EPB41L2: variants seen among roughly 807,000 people sequenced by gnomAD.
EPB41L2 encodes the protein erythrocyte membrane protein band 4.1 like 2.
Under a neutral mutation model 113.0 loss-of-function variants are expected in EPB41L2, and 43 were observed. The observed-to-expected ratio is 0.38, with a 90% CI of 0.30 to 0.49. The LOEUF is 0.49. Among genes scored for constraint, EPB41L2 ranks in the 20% least tolerant of loss-of-function variants. EPB41L2 has a pLI of 0.95. For missense variants in EPB41L2, 1,147 were observed against 1,223.4 expected (o/e 0.94, Z 0.93); for synonymous variants, 442 against 436.7 (o/e 1.01, Z -0.15).
intron 1 of EPB41L2, among the ~76,000 whole-genome samples, chr6:131,019,295 T>G (rs1297437300): frequency 6.6e-6 from 1 of 152,212 alleles, no homozygotes. Context: ...TTGATCTTCT[T>G]TACATAAATT....
chr6:130,904,916 C>CT (rs772079906), intron 5 of EPB41L2, among the ~76,000 whole-genome samples: 19 of 92,964 alleles, frequency 2.0e-4, no homozygotes, highest in African/African-American at 3.4e-4. Context: ...ATTCTCCACC[C>CT]TTTTTTTTTT....
chr6:130,954,884 C>A (rs991267666), intron 3 of EPB41L2, among the ~76,000 whole-genome samples: 8 of 152,190 alleles, frequency 5.3e-5, no homozygotes, highest in East Asian at 1.9e-4. Context: ...ACACACGAAC[C>A]AGTAAACACG....
Position 130,904,487 on chromosome 6 carries a change from G to T in EPB41L2, c.907C>A (p.Gln303Lys). 6.2e-7 allele frequency: 1 copy of T among 1,604,714 alleles called. No homozygotes were observed. The highest frequency in any genetic ancestry group is 1.1e-5 in the South Asian group (1 of 89,926). ...NVKFYPPDPS[Q>K]LTEDITRYFL... is the part of the protein sequence containing the mutation. ...TACCTGGTGATATCTTCAGTCAATTGAGAAGGATCAGGAGGATAAAACTTC... is the reference window on the plus strand; with the variant it reads ...TACCTGGTGATATCTTCAGTCAATTTAGAAGGATCAGGAGGATAAAACTTC... Residue 303 changes from glutamine to lysine, a missense_variant, in exon 6 of 20, where the codon CAA becomes AAA. By Grantham distance (53) the Gln-to-Lys change is moderately conservative. Coordinates refer to ENST00000337057, the MANE Select transcript of EPB41L2 (RefSeq NM_001431.4).
chr6:130,984,602 G>A (rs1780097073), intron 1 of EPB41L2, among the ~76,000 whole-genome samples: 1 of 152,132 alleles, frequency 6.6e-6, no homozygotes, highest in African/African-American at 2.4e-5. Context: ...ACTGTATTTG[G>A]GGAGATCAGA....
intron 18 of EPB41L2, among the ~76,000 whole-genome samples, chr6:130,861,471 A>T (rs1208853160): frequency 1.3e-5 from 2 of 152,252 alleles, no homozygotes; most frequent in East Asian, 3.8e-4. Context: ...AAGCGATTTC[A>T]TCATTTAATT....
chr6:131,046,172 A>G (rs1232414457), intron 1 of EPB41L2, among the ~76,000 whole-genome samples: 3 of 149,950 alleles, frequency 2.0e-5, no homozygotes, highest in Non-Finnish European at 4.4e-5. Flanking sequence ...CTCCTGCCTC[A>G]GCCTCCCAAA....
intron 3 of EPB41L2, among the ~76,000 whole-genome samples, chr6:130,952,765 G>A (rs938296267): frequency 2.0e-5 from 3 of 151,212 alleles, no homozygotes; most frequent in Admixed American, 6.6e-5. Flanking sequence ...AGCCGAGATC[G>A]TGCCACTGCA....
chr6:130,853,813 AG>A (rs1779456100), intron 19 of EPB41L2, among the ~76,000 whole-genome samples: 1 of 152,204 alleles, frequency 6.6e-6, no homozygotes, highest in Non-Finnish European at 1.5e-5. Flanking sequence ...CATTGCAGAC[AG>A]TTCCCCTTCT....
chr6:130,995,324 G>A (rs1330806153), intron 1 of EPB41L2, among the ~76,000 whole-genome samples: 3 of 151,216 alleles, frequency 2.0e-5, no homozygotes, highest in African/African-American at 7.3e-5. Context: ...GACTAAGCGA[G>A]ACTCCGTCTC....
At chr6:131,062,837 C>T (rs993974142) in intron 1 of EPB41L2, among the ~76,000 whole-genome samples, 1 of 151,902 alleles carries the variant, frequency 6.6e-6, no homozygotes, top group African/African-American at 2.4e-5. Context: ...CCCCGGTCCC[C>T]CGGAAGAGGG....
intron 1 of EPB41L2, among the ~76,000 whole-genome samples, chr6:130,975,280 T>C (rs898589069): frequency 1.3e-5 from 2 of 152,200 alleles, no homozygotes; most frequent in African/African-American, 4.8e-5. Flanking sequence ...AAACAGGAAA[T>C]TAGGTTTATC....
chr6:131,010,237 G>A (rs1487286720), intron 1 of EPB41L2, among the ~76,000 whole-genome samples: 1 of 152,032 alleles, frequency 6.6e-6, no homozygotes, highest in Non-Finnish European at 1.5e-5. Flanking sequence ...TCAAATTCAA[G>A]GGCCAGTAGA....
At chr6:130,927,913 T>C (rs146257868) in intron 3 of EPB41L2, among the ~76,000 whole-genome samples, 1 of 152,080 alleles carries the variant, frequency 6.6e-6, no homozygotes, top group Non-Finnish European at 1.5e-5. Context: ...GGCAACATGG[T>C]GAAACCTCAT....
At chr6:130,945,470 G>C (rs542935472) in intron 3 of EPB41L2, among the ~76,000 whole-genome samples, 18 of 152,134 alleles carry the variant, frequency 1.2e-4, no homozygotes, top group Admixed American at 3.9e-4. Context: ...TTCCTGTGTA[G>C]GCAGAAACAA....
chr6:131,049,737 A>T (rs916835748), intron 1 of EPB41L2, among the ~76,000 whole-genome samples: 11 of 152,328 alleles, frequency 7.2e-5, no homozygotes, highest in Admixed American at 3.9e-4. Flanking sequence ...TTTTTTCAGT[A>T]GTATTTCAAA....
At position 130,928,593 on chromosome 6, in the gene EPB41L2, A is replaced by G. The variant is rs138825734; in HGVS notation, c.706-1884T>C. The stretch of plus-strand genomic sequence containing the variant: ...AAGTCAACTCTTACTAATAATTCAC[A>G]TGTTCTCATTGGTTTCCATTTCAAA... On this transcript the variant is annotated intron_variant, in intron 3 of 19. Coordinates refer to ENST00000337057, the MANE Select transcript of EPB41L2 (RefSeq NM_001431.4). Among the ~76,000 whole-genome samples the G allele has an allele frequency of 5.0e-3, 769 of 152,372 alleles. 5 individuals carry two copies. Among genetic ancestry groups the G allele is most frequent in the African/African-American group, 0.018 (731 of 41,592 alleles).
chr6:130,916,730 C>A (rs1294808263), intron 4 of EPB41L2, among the ~76,000 whole-genome samples: 2 of 152,324 alleles, frequency 1.3e-5, no homozygotes, highest in African/African-American at 4.8e-5. Flanking sequence ...GTATGAATCA[C>A]CTGAACATCT....
At chr6:131,020,485 T>C (rs1789206490) in intron 1 of EPB41L2, among the ~76,000 whole-genome samples, 1 of 152,238 alleles carries the variant, frequency 6.6e-6, no homozygotes, top group East Asian at 1.9e-4. Flanking sequence ...TACATCCTCC[T>C]TGACCCAAAG....
At chr6:130,895,687 T>C (rs1270166365) in intron 8 of EPB41L2, among the ~76,000 whole-genome samples, 1 of 152,232 alleles carries the variant, frequency 6.6e-6, no homozygotes, top group East Asian at 1.9e-4. Flanking sequence ...CAAGCAGTTT[T>C]TCATTAACTT....
Sources: gnomAD v4.1 joint callset for allele counts (sites outside exome capture counted in the v4.1 genomes callset) on GRCh38, gnomAD v4.1.1 for gene constraint, MANE v1.5 for transcripts, NCBI Gene and HGNC (gene_info 2026-07-23, HGNC 2026-07-21) for gene names.